The following CNTNAP2 variants were observed in gnomAD, a reference collection of about 807,000 sequenced individuals.
CNTNAP2 encodes the protein contactin associated protein 2, also known as contactin-associated protein-like 2.
CNTNAP2 carries 98 observed loss-of-function variants against 155.2 expected under a neutral mutation model. The ratio of observed to expected loss-of-function variants is 0.63; its 90% confidence interval spans 0.54 to 0.75. CNTNAP2 has a LOEUF of 0.75. Ranked by LOEUF, CNTNAP2 falls within the 30% of genes least tolerant of loss-of-function variation. The pLI, the probability that CNTNAP2 is intolerant of heterozygous loss-of-function variation, is 0.00. For missense variants in CNTNAP2, 1,727 were observed against 1,688.1 expected (o/e 1.02, Z -0.40); for synonymous variants, 651 against 631.2 (o/e 1.03, Z -0.47).
chr7:148,247,017 C>T (rs77307870), intron 20 of CNTNAP2, among the ~76,000 whole-genome samples: 2,879 of 152,242 alleles, frequency 0.019, 75 homozygotes, highest in African/African-American at 0.064. Context: ...AGAGGTAGAA[C>T]GCATTAATAT....
rs543766698 is a variant in CNTNAP2 at position 147,449,397 on chromosome 7, C to T, written c.1671-36538C>T. On this transcript the variant is annotated intron_variant, in intron 10 of 23. Transcript: ENST00000361727. ...TATGCAAATCTGCCAAGGTTATCCC[C>T]GTGGGCAACCTACAACCAACGTGTC... 3.7e-3 allele frequency among the ~76,000 whole-genome samples: 564 copies of T among 152,144 alleles called. 3 individuals carry two copies. Among genetic ancestry groups the T allele is most frequent in the African/African-American group, 0.013 (521 of 41,508 alleles).
At chr7:147,373,742 A>G (rs1170587418) in intron 9 of CNTNAP2, among the ~76,000 whole-genome samples, 1 of 151,484 alleles carries the variant, frequency 6.6e-6, no homozygotes, top group Non-Finnish European at 1.5e-5. Flanking sequence ...CAGAGCAGGG[A>G]GAACTTTAGT....
intron 1 of CNTNAP2, among the ~76,000 whole-genome samples, chr7:146,287,344 A>T (rs6972936): frequency 0.056 from 8,580 of 152,186 alleles, 817 homozygotes; most frequent in African/African-American, 0.2. Flanking sequence ...TTAAATTAGC[A>T]TTGGAAGGCT....
intron 21 of CNTNAP2, among the ~76,000 whole-genome samples, chr7:148,354,567 C>T (rs1251021662): frequency 6.6e-6 from 1 of 152,072 alleles, no homozygotes; most frequent in African/African-American, 2.4e-5. Flanking sequence ...TCCTCAGGAG[C>T]TCAAAAGAAG....
At chr7:146,671,429 T>TCACA (rs147594471) in intron 1 of CNTNAP2, among the ~76,000 whole-genome samples, 243 of 148,392 alleles carry the variant, frequency 1.6e-3, no homozygotes, top group African/African-American at 5.6e-3. Flanking sequence ...TTTTTGTCAC[T>TCACA]CACACACACA....
intron 13 of CNTNAP2, among the ~76,000 whole-genome samples, chr7:147,661,851 C>T (rs932564200): frequency 6.6e-6 from 1 of 152,046 alleles, no homozygotes; most frequent in East Asian, 1.9e-4. Flanking sequence ...GCGCCTGGCC[C>T]ATTGCTTCTT....
Position 148,267,076 on chromosome 7 carries a change from C to A in CNTNAP2, c.3425C>A (p.Ser1142Tyr), listed in dbSNP as rs1290987101. ...GTGAGTTACCATCTGCCAAGTTCAT[C>A]CGACACCCTCTTCAATTCTCCCAAG... The part of the protein sequence containing the change: ...PSVSYHLPSS[S>Y]DTLFNSPKSL... Residue 1142 changes from serine (S) to tyrosine (Y), a missense_variant, in exon 21 of 24, where the codon TCC (serine) becomes TAC (tyrosine). Ser to Tyr is a moderately radical substitution (Grantham distance 144, BLOSUM62 -2). Transcript: ENST00000361727. 6.2e-7 allele frequency: 1 copy of A among 1,614,162 alleles called. No homozygotes were observed.
chr7:147,236,755 C>G (rs1171341444), intron 8 of CNTNAP2, among the ~76,000 whole-genome samples: 1 of 152,070 alleles, frequency 6.6e-6, no homozygotes, highest in East Asian at 1.9e-4. Flanking sequence ...CTGGGACTCA[C>G]CTTAGAGTTC....
rs562022160 is a variant in CNTNAP2, at chr7:147,336,821, C to G, written c.1498+36531C>G. The stretch of plus-strand genomic sequence containing the variant: ...AAGACCATGGTACTGTTTTTCATAG[C>G]CACCTACAATTCTCTAGAACTCTAT... On this transcript the variant is annotated intron_variant, in intron 9 of 23. Coordinates refer to ENST00000361727, the MANE Select transcript of CNTNAP2 (RefSeq NM_014141.6). Among the ~76,000 whole-genome samples the G allele has an allele frequency of 2.0e-5, 3 of 152,172 alleles. No individual in the cohort carries two copies. The South Asian group carries it at 6.2e-4, about 32-fold the overall frequency.
intron 9 of CNTNAP2, among the ~76,000 whole-genome samples, chr7:147,393,802 T>A (rs930233922): frequency 3.9e-5 from 6 of 151,980 alleles, no homozygotes; most frequent in African/African-American, 7.2e-5. Flanking sequence ...AAGAAGTTAA[T>A]TCAAATACAA....
chr7:146,554,187 C>G (rs935181362), intron 1 of CNTNAP2, among the ~76,000 whole-genome samples: 6 of 152,132 alleles, frequency 3.9e-5, no homozygotes, highest in Non-Finnish European at 8.8e-5. Flanking sequence ...GCCTTCTGAC[C>G]TCCTGTCTCG....
At chr7:147,268,413 C>G (rs1254014923) in intron 8 of CNTNAP2, among the ~76,000 whole-genome samples, 1 of 152,074 alleles carries the variant, frequency 6.6e-6, no homozygotes, top group Non-Finnish European at 1.5e-5. Flanking sequence ...CAAACTAACA[C>G]AGGAAGGAAA....
At chr7:148,360,510 C>G (rs1177946) in intron 21 of CNTNAP2, among the ~76,000 whole-genome samples, 1 of 152,054 alleles carries the variant, frequency 6.6e-6, no homozygotes, top group Non-Finnish European at 1.5e-5. Context: ...ACCCTTGTAA[C>G]TGTGCGATCA....
At chr7:146,859,825 A>C (rs1181778215) in intron 3 of CNTNAP2, among the ~76,000 whole-genome samples, 1 of 152,182 alleles carries the variant, frequency 6.6e-6, no homozygotes, top group Non-Finnish European at 1.5e-5. Flanking sequence ...TCAGTGAGTA[A>C]ATAGAAGGAA....
chr7:147,798,913 T>C (rs2116585274), intron 13 of CNTNAP2, among the ~76,000 whole-genome samples: 1 of 152,284 alleles, frequency 6.6e-6, no homozygotes, highest in East Asian at 1.9e-4. Context: ...CTAACCGTGT[T>C]TTCCTCCTTG....
chr7:146,152,900 T>C (rs1798072574), intron 1 of CNTNAP2, among the ~76,000 whole-genome samples: 1 of 152,150 alleles, frequency 6.6e-6, no homozygotes, highest in African/African-American at 2.4e-5. Context: ...CAACCTTCAA[T>C]ATAAAAATAT....
chr7:148,082,599 T>C (rs1172214903), intron 15 of CNTNAP2, among the ~76,000 whole-genome samples: 1 of 151,452 alleles, frequency 6.6e-6, no homozygotes, highest in Non-Finnish European at 1.5e-5. Context: ...TTCAGGGAGG[T>C]GGGGGATTCG....
At chr7:146,486,571 C>T (rs1045170177) in intron 1 of CNTNAP2, among the ~76,000 whole-genome samples, 2 of 152,104 alleles carry the variant, frequency 1.3e-5, no homozygotes, top group Non-Finnish European at 2.9e-5. Context: ...TTAGGAGAAA[C>T]TCTGGGTGGA....
At chr7:148,220,067 A>G (rs1384287303) in intron 19 of CNTNAP2, among the ~76,000 whole-genome samples, 1 of 152,212 alleles carries the variant, frequency 6.6e-6, no homozygotes, top group Non-Finnish European at 1.5e-5. Context: ...AAATAAGCCA[A>G]AAGTCAAAGA....
Sources: allele counts gnomAD v4.1 joint callset (sites outside exome capture counted in the v4.1 genomes callset), GRCh38; gene constraint gnomAD v4.1.1; transcripts MANE v1.5; gene names NCBI Gene and HGNC (gene_info 2026-07-23, HGNC 2026-07-21).